Variants in PI4K2B observed in about 807,000 individuals in gnomAD.
PI4K2B encodes the protein phosphatidylinositol 4-kinase type 2-beta.
A neutral mutation model predicts 56.6 loss-of-function variants in PI4K2B; 46 were observed. The ratio of observed to expected loss-of-function variants is 0.81; its 90% CI spans 0.64 to 1.04. PI4K2B has a LOEUF of 1.04. Ranked by LOEUF, PI4K2B falls within the 50% of genes least tolerant of loss-of-function variation. The pLI, the probability that PI4K2B is intolerant of heterozygous loss-of-function variation, is 0.00. For synonymous variants in PI4K2B, 211 were observed against 223.8 expected (o/e 0.94, Z 0.51); for missense variants, 556 against 607.7 (o/e 0.91, Z 0.89).
intron 8 of PI4K2B, 75 bp from the exon 9 acceptor site, chr4:25,269,069 G>A: frequency 1.3e-6 from 1 of 786,082 alleles, no homozygotes; most frequent in Non-Finnish European, 2.1e-6. Context: ...TTGCTGAGTT[G>A]AAGAGTTCAT....
intron 1 of PI4K2B, among the ~76,000 whole-genome samples, chr4:25,236,158 T>G (rs934346963): frequency 6.6e-6 from 1 of 151,786 alleles, no homozygotes. Flanking sequence ...TATTCTCCAC[T>G]GCACTCCAGC....
At chr4:25,235,418 A>G (rs1715216885) in intron 1 of PI4K2B, among the ~76,000 whole-genome samples, 1 of 152,252 alleles carries the variant, frequency 6.6e-6, no homozygotes, top group Admixed American at 6.5e-5. Context: ...TTAGTGGTAC[A>G]CTAATGTGTC....
chr4:25,255,099 A>G lies in PI4K2B; in HGVS notation c.458A>G (p.Glu153Gly). ...GGTGTGTTTAAACCCAAATCAGAAG[A>G]GCCTTATGGTCAACTCAATCCAAAA... ...IIGVFKPKSE[E>G]PYGQLNPKWT... The change falls in exon 3 of 10, where the codon GAG becomes GGG. Residue 153 changes from glutamate to glycine, a missense_variant. Physicochemically the swap from Glu to Gly is moderately conservative, Grantham distance 98. Coordinates refer to ENST00000264864, the MANE Select transcript of PI4K2B (RefSeq NM_018323.4). The G allele has an allele frequency of 6.2e-7, 1 of 1,613,880 alleles. No individual in the cohort carries two copies. The highest frequency in any genetic ancestry group is 8.5e-7 in the Non-Finnish European group (1 of 1,179,808).
At chr4:25,242,037 G>C (rs1008940367) in intron 1 of PI4K2B, among the ~76,000 whole-genome samples, 8 of 152,160 alleles carry the variant, frequency 5.3e-5, no homozygotes, top group African/African-American at 1.9e-4. Flanking sequence ...TAATTCCAAG[G>C]AACCCACTTA....
chr4:25,276,821 G>A (rs952975481), intron 9 of PI4K2B, 193 bp from the exon 10 acceptor site: 30 of 932,896 alleles, frequency 3.2e-5, no homozygotes, highest in Middle Eastern at 5.4e-4. Context: ...GTGTGTGCGC[G>A]TGTGTGTGTG....
chr4:25,256,539 C>G lies in PI4K2B; in HGVS notation c.625-4C>G. ...AACCATTTTTCTGAATTGTATGTTT[C>G]TAGGTGGTTTGGCTTGTCAGTGAGA... On this transcript the variant is annotated splice_region_variant and splice_polypyrimidine_tract_variant and intron_variant, in intron 3 of 9. Transcript: ENST00000264864. 6.2e-7 allele frequency: 1 copy of G among 1,610,992 alleles called. No individual in the cohort carries two copies. Among genetic ancestry groups the G allele is most frequent in the South Asian group, 1.1e-5 (1 of 90,780 alleles).
chr4:25,245,814 G>A (rs1443106493), intron 1 of PI4K2B, among the ~76,000 whole-genome samples: 1 of 152,148 alleles, frequency 6.6e-6, no homozygotes, highest in Non-Finnish European at 1.5e-5. Context: ...ACCACTTGGC[G>A]ATAGGCGATA....
chr4:25,243,031 G>C (rs1715594488), intron 1 of PI4K2B, among the ~76,000 whole-genome samples: 1 of 152,216 alleles, frequency 6.6e-6, no homozygotes, highest in African/African-American at 2.4e-5. Flanking sequence ...GAAATACCTG[G>C]TTACAGGCTG....
chr4:25,258,343 G>A (rs1200171726), intron 4 of PI4K2B: 1 of 150,818 alleles, frequency 6.6e-6, no homozygotes, highest in Non-Finnish European at 1.5e-5. Flanking sequence ...GAGTAGCTGG[G>A]ACTACAGGCA....
chr4:25,276,832 C>A (rs911174062), intron 9 of PI4K2B, 182 bp from the exon 10 acceptor site: 2 of 935,712 alleles, frequency 2.1e-6, no homozygotes, highest in Admixed American at 6.3e-5. Flanking sequence ...TGTGTGTGTG[C>A]GCGTGTGTGT....
At chr4:25,234,693 C>G (rs1394796998) in intron 1 of PI4K2B, among the ~76,000 whole-genome samples, 3 of 152,220 alleles carry the variant, frequency 2.0e-5, no homozygotes, top group Non-Finnish European at 4.4e-5. Flanking sequence ...CAAAGTGAGT[C>G]AAAACTTCTA....
chr4:25,267,957 G>A (rs1716727034), intron 7 of PI4K2B: 1 of 614,576 alleles, frequency 1.6e-6, no homozygotes, highest in Non-Finnish European at 2.0e-6. Context: ...GCGGTGATAT[G>A]CATCTGTAGT....
intron 3 of PI4K2B, 58 bp from the exon 4 acceptor site, chr4:25,256,485 A>G (rs1309907017): frequency 2.6e-6 from 4 of 1,510,382 alleles, no homozygotes; most frequent in South Asian, 1.2e-5. Context: ...CATGGTGTAT[A>G]TGAAAAGAGA....
At chr4:25,265,100 C>T (rs1263298159) in intron 7 of PI4K2B, among the ~76,000 whole-genome samples, 1 of 141,582 alleles carries the variant, frequency 7.1e-6, no homozygotes, top group Non-Finnish European at 1.5e-5. Flanking sequence ...GAGGCCGAGG[C>T]AGGAGAATCG....
Position 25,268,461 on chromosome 4 carries a change from G to A in PI4K2B, c.1097G>A (p.Trp366Ter). The A allele has an allele frequency of 6.2e-7, 1 of 1,605,498 alleles. No individual in the cohort carries two copies. The highest frequency in any genetic ancestry group is 8.5e-7 in the Non-Finnish European group (1 of 1,176,020). The part of the protein sequence containing the change: ...EWRAYPFHWA[W>*]LPQAKVPFSE... ...CTATTAGATCCATTTCACTGGGCTT[G>A]GCTTCCTCAAGCAAAAGTTCCCTTT... The change falls in exon 8 of 10, where the codon TGG (tryptophan) becomes TAG (stop). Residue 366 changes from tryptophan (W) to a stop codon, truncating the protein, a stop_gained. Transcript: ENST00000264864. LOFTEE classifies it high-confidence loss of function.
At chr4:25,247,742 A>C (rs984721338) in intron 1 of PI4K2B, among the ~76,000 whole-genome samples, 1 of 151,994 alleles carries the variant, frequency 6.6e-6, no homozygotes. Flanking sequence ...TCTTATTCTG[A>C]CACTCAGGCT....
chr4:25,251,013 C>CATG lies in PI4K2B; in HGVS notation c.269-1308_269-1307insATG, dbSNP rs1553889341. Among the ~76,000 whole-genome samples the CATG allele has an allele frequency of 5.9e-5, 9 of 151,594 alleles. No homozygotes were observed. In the East Asian group the frequency reaches 1.4e-3, roughly 23 times the overall value. Reference sequence around the variant, plus strand: ...ACGTAGGGATGAAGCCTTTGGGAGGCGTAAAGGTGAAGAATGAAGTTTTGG... The same window carrying CATG: ...ACGTAGGGATGAAGCCTTTGGGAGGCATGGTAAAGGTGAAGAATGAAGTTTTGG... On this transcript the variant is annotated intron_variant, in intron 1 of 9. Transcript: ENST00000264864.
chr4:25,268,861 G>A (rs1716761395), intron 8 of PI4K2B, among the ~76,000 whole-genome samples: 1 of 152,084 alleles, frequency 6.6e-6, no homozygotes, highest in Non-Finnish European at 1.5e-5. Context: ...TACATATTTG[G>A]TGACCTGCTA....
intron 6 of PI4K2B, among the ~76,000 whole-genome samples, chr4:25,263,282 T>C (rs1249753900): frequency 6.6e-6 from 1 of 152,166 alleles, no homozygotes; most frequent in Non-Finnish European, 1.5e-5. Flanking sequence ...GATCTTATAT[T>C]TAATTATGGT....
Sources: allele counts gnomAD v4.1 joint callset (sites outside exome capture counted in the v4.1 genomes callset), GRCh38; gene constraint gnomAD v4.1.1; transcripts MANE v1.5; gene names NCBI Gene and HGNC (gene_info 2026-07-23, HGNC 2026-07-21).